Variants in LARGE1 observed in about 807,000 individuals in gnomAD.
LARGE1 encodes xylosyl- and glucuronyltransferase LARGE1.
Under a neutral mutation model 87.6 loss-of-function variants are expected in LARGE1, and 43 were observed. That is an observed-to-expected ratio of 0.49 (90% CI 0.38 to 0.63). The LOEUF is 0.63. Ranked by LOEUF, LARGE1 falls within the 30% of genes least tolerant of loss-of-function variation. The pLI is 0.00. For synonymous variants in LARGE1, 434 were observed against 394.6 expected (o/e 1.10, Z -1.18); for missense variants, 802 against 1,000.2 (o/e 0.80, Z 2.67).
At chr22:33,338,406 T>C (rs1054366519) in intron 9 of LARGE1, among the ~76,000 whole-genome samples, 8 of 152,140 alleles carry the variant, frequency 5.3e-5, no homozygotes, top group African/African-American at 1.9e-4. Flanking sequence ...GCCTCTGGAA[T>C]CGGTTGGTGA....
At chr22:33,177,052 C>T (rs1352932376) in intron 11 of LARGE1, among the ~76,000 whole-genome samples, 2 of 152,144 alleles carry the variant, frequency 1.3e-5, no homozygotes, top group African/African-American at 4.8e-5. Flanking sequence ...CAAACTAACA[C>T]AAGGAAAGAA....
At chr22:33,441,829 G>A (rs1041362261) in intron 6 of LARGE1, among the ~76,000 whole-genome samples, 1 of 152,052 alleles carries the variant, frequency 6.6e-6, no homozygotes, top group Non-Finnish European at 1.5e-5. Flanking sequence ...GGCTTCACTG[G>A]GACTCTTAAT....
chr22:33,625,395 T>C (rs2079888896), intron 4 of LARGE1, among the ~76,000 whole-genome samples: 1 of 152,176 alleles, frequency 6.6e-6, no homozygotes, highest in African/African-American at 2.4e-5. Context: ...TCCAGAGGCA[T>C]TATCACTTCC....
At chr22:33,579,264 C>T (rs759303835) in intron 5 of LARGE1, among the ~76,000 whole-genome samples, 3 of 152,302 alleles carry the variant, frequency 2.0e-5, no homozygotes, top group Non-Finnish European at 2.9e-5. Context: ...AGGAGTTCCC[C>T]TGCACAAGCT....
intron 9 of LARGE1, among the ~76,000 whole-genome samples, chr22:33,342,086 A>G (rs1939211331): frequency 6.6e-6 from 1 of 152,152 alleles, no homozygotes; most frequent in African/African-American, 2.4e-5. Context: ...TAGGAGAGGG[A>G]AGACTCTCCC....
intron 1 of LARGE1, among the ~76,000 whole-genome samples, chr22:33,795,346 C>T (rs545270845): frequency 6.6e-6 from 1 of 152,260 alleles, no homozygotes; most frequent in Non-Finnish European, 1.5e-5. Context: ...TAGGTTTACA[C>T]AGACGCAAAT....
chr22:33,624,113 C>T (rs1005602927), intron 4 of LARGE1, among the ~76,000 whole-genome samples: 3 of 152,192 alleles, frequency 2.0e-5, no homozygotes, highest in African/African-American at 7.2e-5. Flanking sequence ...GAATGTGGAA[C>T]TGAACTAAGT....
intron 1 of LARGE1, among the ~76,000 whole-genome samples, chr22:33,885,520 T>C (rs1275825508): frequency 1.3e-5 from 2 of 152,246 alleles, no homozygotes; most frequent in Non-Finnish European, 2.9e-5. Flanking sequence ...ACGTAACTAC[T>C]GATATTGATA....
At chr22:33,884,947 G>T (rs368465021) in intron 1 of LARGE1, among the ~76,000 whole-genome samples, 40 of 152,326 alleles carry the variant, frequency 2.6e-4, no homozygotes, top group East Asian at 1.5e-3. Context: ...CTTTCCATGG[G>T]GGGGAGGAAT....
intron 5 of LARGE1, among the ~76,000 whole-genome samples, chr22:33,600,522 A>G (rs1386668279): frequency 6.6e-6 from 1 of 152,236 alleles, no homozygotes; most frequent in Non-Finnish European, 1.5e-5. Context: ...TGATAAAGAC[A>G]GGGAAAGTTT....
chr22:33,104,895 CTTTCTTTCTTTCTTTCTTTCTTTCTT>C, the LARGE1 span, among the ~76,000 whole-genome samples: 31 of 56,482 alleles, frequency 5.5e-4, no homozygotes, highest in Non-Finnish European at 1.0e-3. Flanking sequence ...CTCTCTCTTT[CTTTCTTTCTTTCTTTCTTTCTTTCTT>C]TCTTTCTTTC....
rs562378057 is a variant in LARGE1 at position 33,816,630 on chromosome 22, G to A, written c.-82-55072C>T. Among the ~76,000 whole-genome samples the A allele has an allele frequency of 4.6e-5, 7 of 151,990 alleles. No individual in the cohort carries two copies. In the East Asian group the frequency reaches 5.8e-4, roughly 13 times the overall value. On this transcript the variant is annotated intron_variant, in intron 1 of 14. Transcript: ENST00000397394. ...TTCAGACCATAGCAGGCAGGCAGGC[G>A]GGAGGGCGGGTGGACATACAGACAG...
intron 7 of LARGE1, among the ~76,000 whole-genome samples, chr22:33,418,413 G>C (rs1353318059): frequency 6.6e-6 from 1 of 152,190 alleles, no homozygotes; most frequent in Non-Finnish European, 1.5e-5. Flanking sequence ...ACTAGGATGG[G>C]GGTGGGGGAT....
intron 3 of LARGE1, among the ~76,000 whole-genome samples, chr22:33,632,315 G>A (rs2080136169): frequency 6.6e-6 from 1 of 152,132 alleles, no homozygotes; most frequent in Non-Finnish European, 1.5e-5. Flanking sequence ...GTAGAGATGG[G>A]GTTTGGCCAC....
At chr22:33,166,476 G>A (rs189288754) in exon 12 of LARGE1, 53 of 299,548 alleles carry the variant, frequency 1.8e-4, no homozygotes, top group Non-Finnish European at 1.5e-4. Flanking sequence ...ATCTTACCAC[G>A]GGGATGTTCA....
intron 1 of LARGE1, among the ~76,000 whole-genome samples, chr22:33,837,319 C>T (rs2063139558): frequency 6.7e-6 from 1 of 149,448 alleles, no homozygotes; most frequent in African/African-American, 2.6e-5. Flanking sequence ...TGGATACGAA[C>T]AGGATATATA....
chr22:33,444,048 G>A (rs139827228), intron 6 of LARGE1, among the ~76,000 whole-genome samples: 1 of 152,354 alleles, frequency 6.6e-6, no homozygotes, highest in East Asian at 1.9e-4. Flanking sequence ...TATTATTAGT[G>A]TCTAGGAGAA....
chr22:33,405,978 T>C (rs558511668), intron 7 of LARGE1, among the ~76,000 whole-genome samples: 14 of 152,334 alleles, frequency 9.2e-5, no homozygotes, highest in South Asian at 4.1e-4. Context: ...TAGGAATGCA[T>C]TGCCATTTCC....
At chr22:33,813,629 G>C (rs749235942) in intron 1 of LARGE1, among the ~76,000 whole-genome samples, 3 of 152,122 alleles carry the variant, frequency 2.0e-5, no homozygotes, top group Admixed American at 6.5e-5. Context: ...CTGTGGGCTC[G>C]ATGACAAAAC....
Sources: allele counts gnomAD v4.1 joint callset (sites outside exome capture counted in the v4.1 genomes callset), GRCh38; gene constraint gnomAD v4.1.1; transcripts MANE v1.5; gene names NCBI Gene and HGNC (gene_info 2026-07-23, HGNC 2026-07-21).